HDLBP: variants seen among roughly 807,000 people sequenced by gnomAD.
The protein encoded by HDLBP is high density lipoprotein binding protein.
Under a neutral mutation model 137.3 loss-of-function variants are expected in HDLBP, and 30 were observed. The ratio of observed to expected loss-of-function variants is 0.22; its 90% CI spans 0.16 to 0.30. HDLBP has a LOEUF of 0.30. Among genes scored for constraint, HDLBP ranks in the 10% least tolerant of loss-of-function variants. The pLI, the probability that HDLBP is intolerant of heterozygous loss-of-function variation, is 1.00. For missense variants in HDLBP, 1,119 were observed against 1,667.3 expected, an observed-to-expected ratio of 0.67 and a Z score of 5.73; for synonymous variants, 606 against 596.0, an observed-to-expected ratio of 1.02 and a Z score of -0.24.
chr2:241,308,273 C>G (rs1168128321), intron 1 of HDLBP, among the ~76,000 whole-genome samples: 2 of 152,184 alleles, frequency 1.3e-5, no homozygotes, highest in Non-Finnish European at 2.9e-5. Context: ...ACCTTTCTAC[C>G]AGTGTTTCAG....
chr2:241,270,994 T>G (rs940040224), intron 1 of HDLBP: 4 of 985,074 alleles, frequency 4.1e-6, no homozygotes, highest in Non-Finnish European at 4.8e-6. Flanking sequence ...AGGAAATTCA[T>G]GGCCTTCTCA....
intron 21 of HDLBP, 21 bp downstream of exon 21, chr2:241,236,594 G>GA: frequency 6.2e-7 from 1 of 1,611,242 alleles, no homozygotes; most frequent in Non-Finnish European, 8.5e-7. Flanking sequence ...GGGGGGTGGA[G>GA]GGGGGCACAT....
At chr2:241,279,376 T>C (rs1048438111) in intron 1 of HDLBP, among the ~76,000 whole-genome samples, 2 of 152,356 alleles carry the variant, frequency 1.3e-5, no homozygotes, top group African/African-American at 4.8e-5. Flanking sequence ...TTAGAATAGT[T>C]ACAAATACAA....
chr2:241,244,075 G>A (rs995359909), intron 16 of HDLBP, among the ~76,000 whole-genome samples: 2 of 152,132 alleles, frequency 1.3e-5, no homozygotes, highest in African/African-American at 4.8e-5. Context: ...TGAACTTCTA[G>A]GGAAGAAAAC....
At chr2:241,251,921 G>C (rs868136584) in intron 11 of HDLBP, among the ~76,000 whole-genome samples, 1 of 152,308 alleles carries the variant, frequency 6.6e-6, no homozygotes. Flanking sequence ...ACGTTGCAGT[G>C]AACTGAGATC....
At chr2:241,310,595 GA>G (rs1157557308) in intron 1 of HDLBP, among the ~76,000 whole-genome samples, 8 of 151,992 alleles carry the variant, frequency 5.3e-5, no homozygotes, top group African/African-American at 1.2e-4. Flanking sequence ...TTAGAGGGGG[GA>G]AAAAGAAACC....
intron 1 of HDLBP, among the ~76,000 whole-genome samples, chr2:241,309,636 A>G (rs957885094): frequency 1.3e-5 from 2 of 152,188 alleles, no homozygotes; most frequent in Admixed American, 1.3e-4. Flanking sequence ...CCTAAGATGC[A>G]CCCCACAACT....
rs1473933179 is a variant in HDLBP at position 241,272,401 on chromosome 2, G to C, written c.-102-3860C>G. ...CCGCCCCTCCGCGCCGTGCGGCCAC[G>C]GCACCAGGGGTGCCCCACCGAAGCC... On this transcript the variant is annotated intron_variant, in intron 1 of 27. Coordinates refer to ENST00000310931, the MANE Select transcript of HDLBP (RefSeq NM_005336.6). The surrounding 1 kb of genome is among the most constrained non-coding windows in gnomAD (Gnocchi z 5.6). 1.0e-6 allele frequency: 1 copy of C among 984,682 alleles called. No homozygotes were observed. Among genetic ancestry groups the C allele is most frequent in the African/African-American group, 1.7e-5 (1 of 57,166 alleles). The allele number at this position is 984,682 out of a possible 1,614,324, so 61.0% of individuals were successfully genotyped here.
intron 1 of HDLBP, among the ~76,000 whole-genome samples, chr2:241,310,973 G>T (rs1222531284): frequency 6.6e-6 from 1 of 152,106 alleles, no homozygotes; most frequent in African/African-American, 2.4e-5. Flanking sequence ...AATTATCCAG[G>T]TGTGGCGGTG....
At chr2:241,256,984 T>C (rs1481328094) in intron 5 of HDLBP, among the ~76,000 whole-genome samples, 178 bp from the exon 6 acceptor site, 2 of 152,152 alleles carry the variant, frequency 1.3e-5, no homozygotes, top group Non-Finnish European at 2.9e-5. Context: ...TTGCCCTGAC[T>C]CCCAGGTTAG....
chr2:241,279,970 A>C, intron 1 of HDLBP: 1 of 985,438 alleles, frequency 1.0e-6, no homozygotes, highest in Non-Finnish European at 1.2e-6. Context: ...CAGTGGAGCC[A>C]TGCTGAAGGG....
chr2:241,289,343 C>T (rs2149646902), intron 1 of HDLBP, among the ~76,000 whole-genome samples: 1 of 152,332 alleles, frequency 6.6e-6, no homozygotes, highest in Admixed American at 6.5e-5. Context: ...TCAGTCTACT[C>T]TTCAGAGATT....
intron 16 of HDLBP, among the ~76,000 whole-genome samples, chr2:241,244,451 A>G (rs993792830): frequency 4.6e-5 from 7 of 152,208 alleles, no homozygotes; most frequent in Non-Finnish European, 1.0e-4. Context: ...AGCCAGAGGG[A>G]GAAGGTTTGT....
chr2:241,303,949 C>G (rs2075477812), intron 1 of HDLBP, among the ~76,000 whole-genome samples: 1 of 152,144 alleles, frequency 6.6e-6, no homozygotes, highest in South Asian at 2.1e-4. Context: ...GCTGGGACCA[C>G]AAAGGCACAC....
In HDLBP at chr2:241,255,221, A is replaced by T. The variant is rs904172465; in HGVS notation, c.1081-63T>A. ...TCAAGGTCGTGTCACAGTGAAAGCC[A>T]GGCTGCTCACCTGGGGCTCAGAGGC... On this transcript the variant is annotated intron_variant, in intron 8 of 27. Transcript: ENST00000310931. 2.0e-6 allele frequency: 3 copies of T among 1,533,104 alleles called. No homozygotes were observed. In the Admixed American group the frequency reaches 5.0e-5, roughly 26 times the overall value. The allele number at this position is 1,533,104 out of a possible 1,614,324, so 95.0% of individuals were successfully genotyped here. A position where few individuals can be genotyped will look rare whatever the true frequency, so the allele number is the denominator to read the frequency against.
chr2:241,247,951 C>T (rs1355703808), intron 14 of HDLBP, 52 bp downstream of exon 14: 3 of 1,299,004 alleles, frequency 2.3e-6, no homozygotes, highest in African/African-American at 2.9e-5. Context: ...AGGACGCATG[C>T]CCCACCCACC....
intron 1 of HDLBP, among the ~76,000 whole-genome samples, chr2:241,282,849 T>C (rs2074657225): frequency 2.0e-5 from 3 of 152,098 alleles, no homozygotes; most frequent in Admixed American, 2.0e-4. Flanking sequence ...GACACAATAT[T>C]GAGGGGAAAC....
chr2:241,281,822 TCAC>T (rs1308851270), intron 1 of HDLBP, among the ~76,000 whole-genome samples: 1 of 152,214 alleles, frequency 6.6e-6, no homozygotes, highest in Non-Finnish European at 1.5e-5. Flanking sequence ...AAAATTAACT[TCAC>T]TTGTTTATTT....
Position 241,272,603 on chromosome 2 carries a change from G to A in HDLBP, c.-102-4062C>T, listed in dbSNP as rs1475659190. 2 of 982,484 alleles carry A rather than the reference G, an allele frequency of 2.0e-6. No individual in the cohort carries two copies. Among genetic ancestry groups the A allele is most frequent in the Non-Finnish European group, 2.4e-6 (2 of 828,310 alleles). The allele number at this position is 982,484 out of a possible 1,614,324, so 60.9% of individuals were successfully genotyped here. A position where few individuals can be genotyped will look rare whatever the true frequency, so the allele number is the denominator to read the frequency against. On this transcript the variant is annotated intron_variant, in intron 1 of 27. Coordinates refer to ENST00000310931, the MANE Select transcript of HDLBP (RefSeq NM_005336.6). The surrounding 1 kb of genome is among the most constrained non-coding windows in gnomAD (Gnocchi z 5.6). The stretch of plus-strand genomic sequence containing the variant: ...CGGTAAGCAGGACACCCGCGGGCGG[G>A]GGCCGCAGCCTGGGGCCCGGGTGGG...
Sources: gnomAD v4.1 joint callset for allele counts (sites outside exome capture counted in the v4.1 genomes callset) on GRCh38, gnomAD v4.1.1 for gene constraint, Gnocchi (gnomAD v3.1) non-coding constraint, MANE v1.5 for transcripts, NCBI Gene and HGNC (gene_info 2026-07-23, HGNC 2026-07-21) for gene names.